IDH2: variants seen among roughly 807,000 people sequenced by gnomAD.
IDH2 encodes the protein isocitrate dehydrogenase [NADP], mitochondrial.
Under a neutral mutation model 50.5 loss-of-function variants are expected in IDH2, and 18 were observed. That is an observed-to-expected ratio of 0.36 (90% CI 0.25 to 0.53). The LOEUF is 0.53. Ranked by LOEUF, IDH2 falls within the 20% of genes least tolerant of loss-of-function variation. The pLI, the probability that IDH2 is intolerant of heterozygous loss-of-function variation, is 0.92. For missense variants in IDH2, 518 were observed against 610.7 expected, an observed-to-expected ratio of 0.85 and a Z score of 1.60; for synonymous variants, 280 against 239.8, an observed-to-expected ratio of 1.17 and a Z score of -1.55.
intron 1 of IDH2, among the ~76,000 whole-genome samples, chr15:90,094,927 A>G (rs11630814): frequency 0.42 from 63,763 of 151,756 alleles, 15,355 homozygotes; most frequent in Non-Finnish European, 0.56. Context: ...CAAACAAAAA[A>G]AACTGGGTGG....
chr15:90,089,195 T>C (rs1250938790), intron 3 of IDH2, among the ~76,000 whole-genome samples: 2 of 152,036 alleles, frequency 1.3e-5, no homozygotes, highest in Non-Finnish European at 2.9e-5. Flanking sequence ...ATTACAGGTG[T>C]GAGCCACCAT....
rs1272169170 is a variant in IDH2 at position 90,098,535 on chromosome 15, T to TATGTATGTATGCATGCATGC, written c.115+3740_115+3741insGCATGCATGCATACATACAT. On this transcript the variant is annotated intron_variant, in intron 1 of 10. Transcript: ENST00000330062. This position sits in a 1 kb window ranked among gnomAD's most constrained non-coding sequence, Gnocchi z 5.1. ...GTATGTATGTATGTATGCATGCATG[T>TATGTATGTATGCATGCATGC]ATGTATGTATGTATGTATGTATGTA... 4.5e-4 allele frequency among the ~76,000 whole-genome samples: 64 copies of TATGTATGTATGCATGCATGC among 142,488 alleles called. No homozygotes were observed. The highest frequency in any genetic ancestry group is 9.8e-4 in the East Asian group (5 of 5,118). The allele number at this position is 142,488 out of a possible 152,430, so 93.5% of individuals were successfully genotyped here.
chr15:90,098,473 A>G lies in IDH2; in HGVS notation c.115+3803T>C, dbSNP rs1739287066. 6.7e-6 allele frequency among the ~76,000 whole-genome samples: 1 copy of G among 148,842 alleles called. No homozygotes were observed. Among genetic ancestry groups the G allele is most frequent in the African/African-American group, 2.5e-5 (1 of 40,198 alleles). On this transcript the variant is annotated intron_variant, in intron 1 of 10. Coordinates refer to ENST00000330062, the MANE Select transcript of IDH2 (RefSeq NM_002168.4). This position sits in a 1 kb window ranked among gnomAD's most constrained non-coding sequence, Gnocchi z 5.1. ...GAAAGGTTCCAATTCCTGGGGGCTC[A>G]AGAAGGCAGGACAGCAACTTTGTAT...
At chr15:90,086,816 A>G (rs1212904526) in intron 7 of IDH2, among the ~76,000 whole-genome samples, 1 of 152,150 alleles carries the variant, frequency 6.6e-6, no homozygotes, top group Non-Finnish European at 1.5e-5. Flanking sequence ...TACTGGAACC[A>G]AAGAGTCATG....
rs1225580490 is a variant in IDH2 at position 90,098,796 on chromosome 15, G to A, written c.115+3480C>T. Among the ~76,000 whole-genome samples the A allele has an allele frequency of 3.3e-5, 5 of 151,978 alleles. No individual in the cohort carries two copies. Among genetic ancestry groups the A allele is most frequent in the Non-Finnish European group, 7.4e-5 (5 of 68,002 alleles). ...TGGCCCCAACTGATCCGCCTGCTTCGGCCTCCCAAAGTCCTGGGAGCCACC... is the reference window on the plus strand; with the variant it reads ...TGGCCCCAACTGATCCGCCTGCTTCAGCCTCCCAAAGTCCTGGGAGCCACC... On this transcript the variant is annotated intron_variant, in intron 1 of 10. Coordinates refer to ENST00000330062, the MANE Select transcript of IDH2 (RefSeq NM_002168.4). The surrounding 1 kb of genome is among the most constrained non-coding windows in gnomAD (Gnocchi z 5.1).
At chr15:90,090,693 A>G (rs1232723191) in intron 2 of IDH2, 49 bp from the exon 3 acceptor site, 1 of 1,596,590 alleles carries the variant, frequency 6.3e-7, no homozygotes, top group South Asian at 1.1e-5. Flanking sequence ...ACTCAGGGAC[A>G]TGACAACAAA....
At chr15:90,090,141 C>T (rs964128241) in intron 3 of IDH2, among the ~76,000 whole-genome samples, 1 of 152,184 alleles carries the variant, frequency 6.6e-6, no homozygotes, top group Non-Finnish European at 1.5e-5. Context: ...ACTGTCAGAG[C>T]CAGAGTGAAG....
chr15:90,090,698 A>C, intron 2 of IDH2, 54 bp from the exon 3 acceptor site: 2 of 1,581,754 alleles, frequency 1.3e-6, no homozygotes, highest in South Asian at 1.1e-5. Flanking sequence ...GGGACATGAC[A>C]ACAAAGGGCA....
intron 3 of IDH2, among the ~76,000 whole-genome samples, chr15:90,090,006 C>T (rs1165773477): frequency 6.6e-6 from 1 of 152,214 alleles, no homozygotes; most frequent in African/African-American, 2.4e-5. Flanking sequence ...TCTCTGCATA[C>T]CTGCCTGCAA....
Position 90,091,637 on chromosome 15 carries a change from G to T in IDH2, c.123C>A (p.Asp41Glu). 6.2e-7 allele frequency: 1 copy of T among 1,614,020 alleles called. No individual in the cohort carries two copies. Among genetic ancestry groups the T allele is most frequent in the Non-Finnish European group, 8.5e-7 (1 of 1,179,840 alleles). The part of the protein sequence containing the change: ...SQEQPRRHYA[D>E]KRIKVAKPVV... ...CGGGCTTCGCCACCTTGATCCTTTT[G>T]TCGGCATCTAGAAGCAGGGACACAC... Residue 41 changes from aspartate (D) to glutamate (E), a missense_variant, in exon 2 of 11, where the codon GAC (aspartate) becomes GAA (glutamate). Physicochemically the swap from Asp to Glu is conservative, Grantham distance 45. Coordinates refer to ENST00000330062, the MANE Select transcript of IDH2 (RefSeq NM_002168.4).
Position 90,091,610 on chromosome 15 carries a change from C to T in IDH2, c.150G>A (p.Val50=), listed in dbSNP as rs562603216. The T allele has an allele frequency of 1.2e-6, 2 of 1,614,194 alleles. No individual in the cohort carries two copies. The highest frequency in any genetic ancestry group is 1.3e-5 in the African/African-American group (1 of 75,052). ...ADKRIKVAKP[V]VEMDGDEMTR... is the part of the protein sequence containing the mutation. Reference sequence around the variant, plus strand: ...TCATCTCATCACCATCCATCTCCACCACGGGCTTCGCCACCTTGATCCTTT... The same window carrying T: ...TCATCTCATCACCATCCATCTCCACTACGGGCTTCGCCACCTTGATCCTTT... Residue 50 remains valine (V), a synonymous_variant, in exon 2 of 11, where the codon GTG becomes GTA. Transcript: ENST00000330062.
Position 90,098,550 on chromosome 15 carries a change from G to C in IDH2, c.115+3726C>G, listed in dbSNP as rs1901248117. On this transcript the variant is annotated intron_variant, in intron 1 of 10. Transcript: ENST00000330062. This position sits in a 1 kb window ranked among gnomAD's most constrained non-coding sequence, Gnocchi z 5.1. The stretch of plus-strand genomic sequence containing the variant: ...TGCATGCATGTATGTATGTATGTAT[G>C]TATGTATGTATTGAGACAGAGTCTC... Among the ~76,000 whole-genome samples, 1 of 151,998 alleles carries C rather than the reference G, an allele frequency of 6.6e-6. No homozygotes were observed. The highest frequency in any genetic ancestry group is 6.6e-5 in the Admixed American group (1 of 15,258).
chr15:90,089,050 A>G (rs1205971489), intron 3 of IDH2, among the ~76,000 whole-genome samples: 1 of 151,220 alleles, frequency 6.6e-6, no homozygotes, highest in Non-Finnish European at 1.5e-5. Flanking sequence ...GAGCAGCTGG[A>G]ATTACAGGCA....
chr15:90,094,236 G>T (rs889190385), intron 1 of IDH2, among the ~76,000 whole-genome samples: 5 of 152,314 alleles, frequency 3.3e-5, no homozygotes, highest in East Asian at 1.9e-4. Context: ...AGTCTGGGAA[G>T]TGAATTTCAA....
intron 1 of IDH2, among the ~76,000 whole-genome samples, chr15:90,101,253 C>T (rs1160202569): frequency 6.6e-6 from 1 of 152,314 alleles, no homozygotes; most frequent in Admixed American, 6.5e-5. Flanking sequence ...CGGGCCCCAT[C>T]CCCTCTTCCT....
Position 90,098,605 on chromosome 15 carries a change from C to T in IDH2, c.115+3671G>A, listed in dbSNP as rs1324265588. ...TGTCGCCTACACTGGAGGGCAGTGG[C>T]GTGATCTCGGCTCACTGCAAGCTCC... On this transcript the variant is annotated intron_variant, in intron 1 of 10. Transcript: ENST00000330062. The surrounding 1 kb of genome is among the most constrained non-coding windows in gnomAD (Gnocchi z 5.1). Among the ~76,000 whole-genome samples, 2 of 150,016 alleles carry T rather than the reference C, an allele frequency of 1.3e-5. No homozygotes were observed. Among genetic ancestry groups the T allele is most frequent in the Non-Finnish European group, 3.0e-5 (2 of 67,226 alleles).
intron 1 of IDH2, among the ~76,000 whole-genome samples, chr15:90,095,747 G>C (rs528518680): frequency 6.6e-6 from 1 of 152,332 alleles, no homozygotes; most frequent in African/African-American, 2.4e-5. Context: ...TGCCTGCCCG[G>C]AGGCAGTGAA....
chr15:90,089,529 T>C (rs1008145019), intron 3 of IDH2, among the ~76,000 whole-genome samples: 1 of 152,142 alleles, frequency 6.6e-6, no homozygotes, highest in African/African-American at 2.4e-5. Flanking sequence ...TCCTGCCTTG[T>C]CCATAAATGG....
intron 1 of IDH2, 35 bp downstream of exon 1, chr15:90,102,239 GGC>G (rs1428143584): frequency 2.2e-6 from 2 of 922,818 alleles, no homozygotes. Flanking sequence ...CGCAGCTGGG[GGC>G]GCGCGCCTGC....
Sources: allele counts gnomAD v4.1 joint callset (sites outside exome capture counted in the v4.1 genomes callset), GRCh38; gene constraint gnomAD v4.1.1; non-coding constraint Gnocchi (gnomAD v3.1); transcripts MANE v1.5; gene names NCBI Gene and HGNC (gene_info 2026-07-23, HGNC 2026-07-21).